RSPO2: variants seen among roughly 807,000 people sequenced by gnomAD.
RSPO2 encodes the protein R-spondin-2.
Under a neutral mutation model 30.9 loss-of-function variants are expected in RSPO2, and 14 were observed. That is an observed-to-expected ratio of 0.45 (90% CI 0.30 to 0.71). The LOEUF (loss-of-function observed/expected upper bound fraction) is 0.71. Ranked by LOEUF, RSPO2 falls within the 30% of genes least tolerant of loss-of-function variation. The pLI, the probability that RSPO2 is intolerant of heterozygous loss-of-function variation, is 0.08. For synonymous variants in RSPO2, 107 were observed against 96.4 expected (o/e 1.11, Z -0.64); for missense variants, 264 against 301.9 (o/e 0.87, Z 0.93).
chr8:107,967,447 T>C lies in RSPO2; in HGVS notation c.284-6630A>G, dbSNP rs1441410718. On this transcript the variant is annotated intron_variant, in intron 3 of 5. Transcript: ENST00000276659. ...CACTAGACTATGTATTGATAAAAAT[T>C]ATTATACCTAAAAGCTAAAATTACA... Among the ~76,000 whole-genome samples, 3 of 152,164 alleles carry C rather than the reference T, an allele frequency of 2.0e-5. No homozygotes were observed. The East Asian group carries it at 5.8e-4, about 29-fold the overall frequency.
rs368804323 is a variant in RSPO2, at chr8:108,082,576, G to A, written c.63C>T (p.Cys21=). ...TACTGCGTCTCCATCGGTTGCCTTG[G>A]CAGTGGCTGTAATCCATGCAGTTCA... ...IILNCMDYSH[C]QGNRWRRSKR... is the part of the protein sequence containing the mutation. Residue 21 remains cysteine, a synonymous_variant, in exon 2 of 6, where the codon TGC becomes TGT. Transcript: ENST00000276659. The A allele has an allele frequency of 4.3e-6, 7 of 1,613,998 alleles. No homozygotes were observed. In the African/African-American group the frequency reaches 9.3e-5, roughly 22 times the overall value.
chr8:108,014,844 T>TTA (rs1554582125), intron 2 of RSPO2, among the ~76,000 whole-genome samples: 13 of 106,460 alleles, frequency 1.2e-4, no homozygotes, highest in Non-Finnish European at 2.5e-4. Flanking sequence ...TAAAGTATAA[T>TTA]AAAAAAAAAA....
At chr8:107,962,161 G>A (rs1813647495) in intron 3 of RSPO2, among the ~76,000 whole-genome samples, 1 of 152,094 alleles carries the variant, frequency 6.6e-6, no homozygotes, top group Admixed American at 6.6e-5. Context: ...ATGCTTTAAG[G>A]ATTCAGAAAA....
chr8:108,064,953 T>C (rs896689949), intron 2 of RSPO2, among the ~76,000 whole-genome samples: 1 of 151,946 alleles, frequency 6.6e-6, no homozygotes, highest in Non-Finnish European at 1.5e-5. Flanking sequence ...TTCTCACTCA[T>C]AGTTGGGAAC....
intron 2 of RSPO2, among the ~76,000 whole-genome samples, chr8:108,037,102 TTAAA>T (rs1811622464): frequency 6.6e-6 from 1 of 152,138 alleles, no homozygotes; most frequent in Non-Finnish European, 1.5e-5. Flanking sequence ...ATCTCTCACT[TTAAA>T]TAAAAAACTA....
At chr8:107,986,251 G>A (rs939140297) in intron 3 of RSPO2, among the ~76,000 whole-genome samples, 11 of 152,144 alleles carry the variant, frequency 7.2e-5, no homozygotes, top group South Asian at 2.1e-4. Context: ...ATCCAAAGTC[G>A]TATACTGTTA....
intron 2 of RSPO2, among the ~76,000 whole-genome samples, chr8:108,067,191 C>G (rs2130717202): frequency 6.6e-6 from 1 of 152,236 alleles, no homozygotes; most frequent in South Asian, 2.1e-4. Context: ...ACATACCCAC[C>G]AAGTGCAATG....
chr8:107,989,129 C>G lies in RSPO2; in HGVS notation c.210G>C (p.Gln70His), dbSNP rs1449497581. The change falls in exon 3 of 6, where the codon CAG (glutamine) becomes CAC (histidine). Residue 70 changes from glutamine (Q) to histidine (H), a missense_variant. Physicochemically the swap from Gln to His is conservative, Grantham distance 24 (BLOSUM62 0). Coordinates refer to ENST00000276659, the MANE Select transcript of RSPO2 (RefSeq NM_178565.5). ...GGCAGGAATGCAGGCACTCTCCATA[C>G]TGGCGCATCCCTTCTCTTCGAAGGA... is the stretch of plus-strand genomic sequence containing the variant. Reference protein sequence around the residue: ...FFFLRREGMRQYGECLHSCPS... With the variant: ...FFFLRREGMRHYGECLHSCPS... 1 of 1,612,284 alleles carries G rather than the reference C, an allele frequency of 6.2e-7. No homozygotes were observed. The highest frequency in any genetic ancestry group is 1.1e-5 in the South Asian group (1 of 90,774).
At chr8:108,065,552 A>G (rs1812639650) in intron 2 of RSPO2, among the ~76,000 whole-genome samples, 1 of 152,048 alleles carries the variant, frequency 6.6e-6, no homozygotes, top group Non-Finnish European at 1.5e-5. Flanking sequence ...TCATACAAAA[A>G]CTATGCCAAT....
At chr8:108,028,213 A>C (rs963992123) in intron 2 of RSPO2, among the ~76,000 whole-genome samples, 1 of 151,726 alleles carries the variant, frequency 6.6e-6, no homozygotes, top group Non-Finnish European at 1.5e-5. Context: ...ACCCCCCTAA[A>C]CTGCTCTGTG....
chr8:108,083,598 A>T lies in RSPO2; in HGVS notation c.-571T>A, dbSNP rs1813285212. The T allele has an allele frequency of 6.6e-6, 1 of 152,362 alleles. No individual in the cohort carries two copies. Among genetic ancestry groups the T allele is most frequent in the Non-Finnish European group, 1.5e-5 (1 of 68,148 alleles). 9.4% of individuals were successfully genotyped at this position (152,362 alleles called of 1,614,324 possible). A position where few individuals can be genotyped will look rare whatever the true frequency, so the allele number is the denominator to read the frequency against. ...TGATCCGAAGGGATGTGGCAAGCGC[A>T]CTTTCCGATGGAGATGCAGACCGGC... is the stretch of plus-strand genomic sequence containing the variant. On this transcript the variant is annotated 5_prime_UTR_variant, in exon 1 of 6. Transcript: ENST00000276659.
chr8:107,987,407 C>T (rs975484092), intron 3 of RSPO2, among the ~76,000 whole-genome samples: 2 of 152,182 alleles, frequency 1.3e-5, no homozygotes, highest in Non-Finnish European at 2.9e-5. Flanking sequence ...CAGGAAACAC[C>T]TTTATCAGTT....
At chr8:108,043,623 C>T (rs760922472) in intron 2 of RSPO2, among the ~76,000 whole-genome samples, 11 of 151,542 alleles carry the variant, frequency 7.3e-5, no homozygotes, top group Non-Finnish European at 4.4e-5. Context: ...ATAGTCTTAG[C>T]ACCTCTCGTC....
chr8:107,924,822 GCACACACACACACA>G lies in RSPO2; in HGVS notation c.617-23646_617-23633del, dbSNP rs59249399. ...TGTATTCCCAGCTCTCACCTAACAT[GCACACACACACACA>G]CACACACACACACAAAATAAGTTCT... On this transcript the variant is annotated intron_variant, in intron 5 of 5. Coordinates refer to ENST00000276659, the MANE Select transcript of RSPO2 (RefSeq NM_178565.5). 3.4e-4 allele frequency among the ~76,000 whole-genome samples: 51 copies of G among 148,406 alleles called. No homozygotes were observed. In the East Asian group the frequency reaches 8.2e-3, roughly 24 times the overall value.
chr8:108,050,182 GT>G (rs1428639026), intron 2 of RSPO2, among the ~76,000 whole-genome samples: 1 of 151,958 alleles, frequency 6.6e-6, no homozygotes, highest in African/African-American at 2.4e-5. Flanking sequence ...AACCACTTTT[GT>G]TTCTAAGATC....
At chr8:107,941,626 G>A (rs1246432568) in intron 5 of RSPO2, among the ~76,000 whole-genome samples, 1 of 152,140 alleles carries the variant, frequency 6.6e-6, no homozygotes, top group Non-Finnish European at 1.5e-5. Flanking sequence ...CACTATAAGA[G>A]ACCACTCTGA....
At chr8:108,055,031 G>A (rs1469972637) in intron 2 of RSPO2, among the ~76,000 whole-genome samples, 1 of 152,136 alleles carries the variant, frequency 6.6e-6, no homozygotes, top group Non-Finnish European at 1.5e-5. Flanking sequence ...TGAGGTGGGA[G>A]GATCGCTTGA....
chr8:108,044,109 C>T (rs1322991794), intron 2 of RSPO2, among the ~76,000 whole-genome samples: 1 of 150,740 alleles, frequency 6.6e-6, no homozygotes, highest in African/African-American at 2.4e-5. Flanking sequence ...CACTATCCTA[C>T]CTAAAGTGGG....
In RSPO2 at chr8:108,060,259, C is replaced by G. The variant is rs558553163; in HGVS notation, c.94+22286G>C. On this transcript the variant is annotated intron_variant, in intron 2 of 5. Coordinates refer to ENST00000276659, the MANE Select transcript of RSPO2 (RefSeq NM_178565.5). The stretch of plus-strand genomic sequence containing the variant: ...CCAAGCTAAAGGAGGAAGTTCGAAC[C>G]CATCACAAAGAAGCTAAAAACCTTG... 7.2e-5 allele frequency among the ~76,000 whole-genome samples: 11 copies of G among 151,758 alleles called. No homozygotes were observed. In the South Asian group the frequency reaches 1.9e-3, roughly 26 times the overall value.
Sources: gnomAD v4.1 joint callset for allele counts (sites outside exome capture counted in the v4.1 genomes callset) on GRCh38, gnomAD v4.1.1 for gene constraint, MANE v1.5 for transcripts, NCBI Gene and HGNC (gene_info 2026-07-23, HGNC 2026-07-21) for gene names.